ARHGEF7: variants seen among roughly 807,000 people sequenced by gnomAD.
ARHGEF7 encodes the protein PAK-interacting exchange factor beta.
In ARHGEF7, 33 loss-of-function variants were observed where a neutral mutation model predicts 109.8. The observed-to-expected ratio is 0.30, with a 90% confidence interval of 0.23 to 0.40. The LOEUF is 0.40. Ranked by LOEUF, ARHGEF7 falls within the 10% of genes least tolerant of loss-of-function variation. ARHGEF7 has a pLI of 1.00. For synonymous variants in ARHGEF7, 458 were observed against 424.6 expected (o/e 1.08, Z -0.97); for missense variants, 938 against 1,098.5 (o/e 0.85, Z 2.07).
intron 2 of ARHGEF7, among the ~76,000 whole-genome samples, chr13:111,201,852 T>C (rs984811212): frequency 3.3e-5 from 5 of 152,148 alleles, no homozygotes; most frequent in African/African-American, 1.2e-4. Context: ...GGTTCAGTGT[T>C]AGACCATGGG....
At chr13:111,275,816 T>C in intron 12 of ARHGEF7, 138 bp downstream of exon 12, 1 of 1,103,732 alleles carries the variant, frequency 9.1e-7, no homozygotes, top group South Asian at 1.3e-5. Flanking sequence ...TACTTTTTAT[T>C]CTTGACACAG....
rs1335752662 is a variant in ARHGEF7 at position 111,273,383 on chromosome 13, G to A, written c.1074-431G>A. The stretch of plus-strand genomic sequence containing the variant: ...GCTCGCTGGACGAACTCGCATCTGG[G>A]GATGACTACCATCAGTGTGCTCTAG... On this transcript the variant is annotated intron_variant, in intron 9 of 21. Transcript: ENST00000646102. The surrounding 1 kb of genome is among the most constrained non-coding windows in gnomAD (Gnocchi z 4.5). Among the ~76,000 whole-genome samples, 1 of 152,242 alleles carries A rather than the reference G, an allele frequency of 6.6e-6. No individual in the cohort carries two copies. Among genetic ancestry groups the A allele is most frequent in the African/African-American group, 2.4e-5 (1 of 41,468 alleles).
rs11616284 is a variant in ARHGEF7 at position 111,132,157 on chromosome 13, A to G, written c.165+16466A>G. Reference sequence around the variant, plus strand: ...GCTCTAGCAAACTGTATCCCTTTCAACCGCTTTAGGGGAGAATGTCTGATA... The same window carrying G: ...GCTCTAGCAAACTGTATCCCTTTCAGCCGCTTTAGGGGAGAATGTCTGATA... On this transcript the variant is annotated intron_variant, in intron 1 of 21. Transcript: ENST00000646102. 3.2e-3 allele frequency among the ~76,000 whole-genome samples: 483 copies of G among 152,256 alleles called. 4 individuals carry two copies. The highest frequency in any genetic ancestry group is 4.8e-3 in the Non-Finnish European group (328 of 68,012).
At chr13:111,207,076 T>C (rs1052967247) in intron 3 of ARHGEF7, among the ~76,000 whole-genome samples, 6 of 152,062 alleles carry the variant, frequency 3.9e-5, no homozygotes, top group Admixed American at 3.9e-4. Context: ...CAAGAAATAC[T>C]GCAACAGGTG....
At chr13:111,123,901 C>G (rs1481931628) in intron 1 of ARHGEF7, among the ~76,000 whole-genome samples, 7 of 148,032 alleles carry the variant, frequency 4.7e-5, no homozygotes, top group Admixed American at 1.4e-4. Context: ...CCTGCGGCTG[C>G]CAGGCCTGCT....
chr13:111,243,209 T>C (rs1443596714), intron 6 of ARHGEF7, among the ~76,000 whole-genome samples: 4 of 147,914 alleles, frequency 2.7e-5, no homozygotes, highest in African/African-American at 9.8e-5. Context: ...AATTTTTAGA[T>C]GCAATCTAAA....
chr13:111,267,650 GA>G lies in ARHGEF7; in HGVS notation c.1055del (p.Asn352MetfsTer27). 6.2e-7 allele frequency: 1 copy of G among 1,614,022 alleles called. No homozygotes were observed. Among genetic ancestry groups the G allele is most frequent in the Non-Finnish European group, 8.5e-7 (1 of 1,179,916 alleles). ...TYCANHPSAV[N>X]VLTEHSEELG... is the part of the protein sequence containing the mutation. The stretch of plus-strand genomic sequence containing the variant: ...ATTGTGCCAATCACCCTTCTGCAGT[GA>G]ATGTCCTCACGGAACACAGGTGCGC... On this transcript the variant is annotated frameshift_variant, in exon 9 of 22. Coordinates refer to ENST00000646102, the MANE Select transcript of ARHGEF7 (RefSeq NM_001354046.2). LOFTEE classifies it high-confidence loss of function.
At chr13:111,242,831 G>A (rs2088034594) in intron 6 of ARHGEF7, among the ~76,000 whole-genome samples, 1 of 152,190 alleles carries the variant, frequency 6.6e-6, no homozygotes, top group South Asian at 2.1e-4. Context: ...CCCCTTGCTC[G>A]GTGCCAGGAG....
At chr13:111,221,415 GTCTATATA>G (rs2084110372) in intron 5 of ARHGEF7, among the ~76,000 whole-genome samples, 1 of 1,800 alleles carries the variant, frequency 5.6e-4, no homozygotes, top group South Asian at 0.036. Context: ...ATATATAGAT[GTCTATATA>G]TCTATATATA....
chr13:111,206,062 A>C (rs2081794684), intron 3 of ARHGEF7, among the ~76,000 whole-genome samples: 3 of 152,114 alleles, frequency 2.0e-5, no homozygotes, highest in African/African-American at 7.2e-5. Context: ...CTCAAAAGGA[A>C]GGAACTTTTT....
chr13:111,301,005 A>G (rs1330159983), intron 20 of ARHGEF7, among the ~76,000 whole-genome samples, 158 bp downstream of exon 20: 11 of 151,750 alleles, frequency 7.2e-5, no homozygotes, highest in South Asian at 2.1e-4. Flanking sequence ...CTGGAGTGCA[A>G]TGGTGCGATC....
intron 1 of ARHGEF7, among the ~76,000 whole-genome samples, chr13:111,128,426 G>T (rs1012073751): frequency 6.6e-6 from 1 of 152,182 alleles, no homozygotes; most frequent in Non-Finnish European, 1.5e-5. Context: ...CTGGGAGTTG[G>T]AGGTTGCAGT....
intron 2 of ARHGEF7, among the ~76,000 whole-genome samples, chr13:111,172,280 T>C (rs1219642755): frequency 6.6e-6 from 1 of 152,076 alleles, no homozygotes; most frequent in Non-Finnish European, 1.5e-5. Flanking sequence ...CCTGGAAGTA[T>C]ATATTCTCTT....
chr13:111,165,005 T>C (rs891938514), intron 2 of ARHGEF7, among the ~76,000 whole-genome samples: 13 of 152,258 alleles, frequency 8.5e-5, no homozygotes, highest in Non-Finnish European at 1.5e-4. Flanking sequence ...AAAGCCATCC[T>C]CTCCAGTGTT....
intron 2 of ARHGEF7, among the ~76,000 whole-genome samples, chr13:111,157,495 C>T (rs1169563592): frequency 6.6e-6 from 1 of 151,716 alleles, no homozygotes; most frequent in Non-Finnish European, 1.5e-5. Context: ...GCATGACCAA[C>T]ATGGTGAAAC....
At position 111,300,815 on chromosome 13, in the gene ARHGEF7, TA is replaced by T. The variant is rs1217663092; in HGVS notation, c.2383del (p.Ser795ValfsTer6). On this transcript the variant is annotated frameshift_variant, in exon 20 of 22. Coordinates refer to ENST00000646102, the MANE Select transcript of ARHGEF7 (RefSeq NM_001354046.2). LOFTEE classifies it high-confidence loss of function. ...EEEKIIVEETKSNGQTVIEEK... is the reference protein window; with the variant it reads ...EEEKIIVEETXSNGQTVIEEK... Reference sequence around the variant, plus strand: ...AAGAGAAAATTATAGTGGAAGAAACTAAAAGTAATGGTCAGACAGTGATAGA... The same window carrying T: ...AAGAGAAAATTATAGTGGAAGAAACTAAAGTAATGGTCAGACAGTGATAGA... The T allele has an allele frequency of 6.2e-7, 1 of 1,610,068 alleles. No individual in the cohort carries two copies. Among genetic ancestry groups the T allele is most frequent in the Non-Finnish European group, 8.5e-7 (1 of 1,177,634 alleles).
intron 1 of ARHGEF7, chr13:111,116,320 C>G (rs538325566): frequency 1.3e-5 from 2 of 152,770 alleles, no homozygotes; most frequent in African/African-American, 2.4e-5. Flanking sequence ...AGATTTCGTT[C>G]TCAGGTCCCT....
At chr13:111,271,592 T>C (rs765288607) in intron 9 of ARHGEF7, among the ~76,000 whole-genome samples, 3 of 152,144 alleles carry the variant, frequency 2.0e-5, no homozygotes, top group Non-Finnish European at 4.4e-5. Flanking sequence ...AGACAAAAGA[T>C]GTTGAGTTGT....
At chr13:111,240,132 C>T (rs1490667122) in intron 6 of ARHGEF7, among the ~76,000 whole-genome samples, 2 of 152,136 alleles carry the variant, frequency 1.3e-5, no homozygotes, top group Non-Finnish European at 2.9e-5. Context: ...CAGCTGGGAG[C>T]CCAGGTCCAC....
Sources: allele counts gnomAD v4.1 joint callset (sites outside exome capture counted in the v4.1 genomes callset), GRCh38; gene constraint gnomAD v4.1.1; non-coding constraint Gnocchi (gnomAD v3.1); transcripts MANE v1.5; gene names NCBI Gene and HGNC (gene_info 2026-07-23, HGNC 2026-07-21).